The following CEP83 variants were observed in gnomAD, a reference collection of about 807,000 sequenced individuals.
CEP83 encodes the protein centrosomal protein of 83 kDa.
A neutral mutation model predicts 101.9 loss-of-function variants in CEP83; 70 were observed. That is an observed-to-expected ratio of 0.69 (90% CI 0.57 to 0.84). The LOEUF is 0.84. Among genes scored for constraint, CEP83 ranks in the 40% least tolerant of loss-of-function variants. The pLI, the probability that CEP83 is intolerant of heterozygous loss-of-function variation, is 0.00. For synonymous variants in CEP83, 264 were observed against 267.9 expected, an observed-to-expected ratio of 0.99 and a Z score of 0.14; for missense variants, 715 against 787.2, an observed-to-expected ratio of 0.91 and a Z score of 1.10.
At chr12:94,423,962 A>G in intron 2 of CEP83, 1 of 1,613,018 alleles carries the variant, frequency 6.2e-7, no homozygotes, top group African/African-American at 1.3e-5. Flanking sequence ...GGGTCCCATC[A>G]TGGAGGCAGG....
chr12:94,402,348 A>G (rs976172442), intron 5 of CEP83: 2 of 152,224 alleles, frequency 1.3e-5, no homozygotes, highest in Non-Finnish European at 2.9e-5. Flanking sequence ...GAGGTGGTAA[A>G]ACAGAAAATA....
At chr12:94,414,850 ATGT>A (rs2064149849) in intron 2 of CEP83, among the ~76,000 whole-genome samples, 1 of 152,200 alleles carries the variant, frequency 6.6e-6, no homozygotes, top group Non-Finnish European at 1.5e-5. Flanking sequence ...TCTTTATAAA[ATGT>A]TGATATGTGA....
At chr12:94,439,870 TGCAG>T (rs1233544221) in intron 1 of CEP83, among the ~76,000 whole-genome samples, 1 of 152,190 alleles carries the variant, frequency 6.6e-6, no homozygotes, top group Non-Finnish European at 1.5e-5. Flanking sequence ...ATACCAGGGA[TGCAG>T]GGTTGGCTTA....
intron 2 of CEP83, among the ~76,000 whole-genome samples, chr12:94,433,611 G>A (rs1361852930): frequency 6.6e-6 from 1 of 151,772 alleles, no homozygotes; most frequent in African/African-American, 2.4e-5. Context: ...AGCCCAGGAG[G>A]GTCGAGGCTG....
chr12:94,341,179 T>C (rs2136621374), intron 11 of CEP83, among the ~76,000 whole-genome samples: 1 of 152,284 alleles, frequency 6.6e-6, no homozygotes, highest in East Asian at 1.9e-4. Flanking sequence ...TTTTTATTAC[T>C]CTTGGCACTA....
the CEP83 span, among the ~76,000 whole-genome samples, chr12:94,300,143 G>GAA: frequency 6.6e-6 from 1 of 152,206 alleles, no homozygotes; most frequent in Non-Finnish European, 1.5e-5. Flanking sequence ...CAAAACAGAT[G>GAA]AAAGTCCAGG....
At chr12:94,357,665 C>A (rs1312295251) in intron 11 of CEP83, among the ~76,000 whole-genome samples, 1 of 152,166 alleles carries the variant, frequency 6.6e-6, no homozygotes, top group Non-Finnish European at 1.5e-5. Context: ...CCTGGGGAAC[C>A]CCTGCAAAAG....
At chr12:94,303,738 T>G, downstream of CEP83, 1 of 1,380,696 alleles carries the variant, frequency 7.2e-7, no homozygotes, top group Non-Finnish European at 9.5e-7. Context: ...GTTGCTTTTT[T>G]TTTTTTTTTT....
chr12:94,407,084 GCA>G (rs2063588473), intron 4 of CEP83, among the ~76,000 whole-genome samples: 1 of 152,110 alleles, frequency 6.6e-6, no homozygotes, highest in African/African-American at 2.4e-5. Context: ...CCAAAATGAA[GCA>G]CAGAGACAAA....
intron 2 of CEP83, among the ~76,000 whole-genome samples, chr12:94,432,847 C>A (rs953213056): frequency 6.6e-6 from 1 of 152,012 alleles, no homozygotes; most frequent in Non-Finnish European, 1.5e-5. Flanking sequence ...ACACATGTAC[C>A]TCATAAATAT....
chr12:94,291,451 G>C, the CEP83 span, among the ~76,000 whole-genome samples: 1 of 152,136 alleles, frequency 6.6e-6, no homozygotes, highest in Non-Finnish European at 1.5e-5. Context: ...GGCTGGTCTT[G>C]AACTCCTAGG....
At chr12:94,374,476 C>T (rs191196106) in intron 8 of CEP83, among the ~76,000 whole-genome samples, 3 of 152,258 alleles carry the variant, frequency 2.0e-5, no homozygotes, top group Non-Finnish European at 4.4e-5. Context: ...CTCCCCATAT[C>T]CTGAATTTAC....
chr12:94,334,156 A>C (rs1040718682), intron 12 of CEP83, among the ~76,000 whole-genome samples: 10 of 152,310 alleles, frequency 6.6e-5, no homozygotes, highest in African/African-American at 2.4e-4. Context: ...AAATGTGGGA[A>C]GGATCACTCC....
intron 11 of CEP83, among the ~76,000 whole-genome samples, chr12:94,343,575 C>T (rs1593278563): frequency 6.9e-6 from 1 of 144,000 alleles, no homozygotes; most frequent in Non-Finnish European, 1.5e-5. Flanking sequence ...CTGCAAGCTC[C>T]GCTTCCCGGG....
At chr12:94,427,563 G>GAGTA (rs1306065633) in intron 2 of CEP83, among the ~76,000 whole-genome samples, 1 of 152,116 alleles carries the variant, frequency 6.6e-6, no homozygotes, top group Admixed American at 6.6e-5. Flanking sequence ...TTTAAGCAGT[G>GAGTA]AGTAGTACAA....
At chr12:94,440,373 G>A (rs976857655) in intron 1 of CEP83, among the ~76,000 whole-genome samples, 7 of 152,120 alleles carry the variant, frequency 4.6e-5, no homozygotes, top group Admixed American at 4.6e-4. Flanking sequence ...CAGATGAGTA[G>A]CTCTGCTGTA....
At chr12:94,266,674 G>A in the CEP83 span, among the ~76,000 whole-genome samples, 1 of 152,186 alleles carries the variant, frequency 6.6e-6, no homozygotes, top group Non-Finnish European at 1.5e-5. Context: ...GTAATGTTGG[G>A]CAAGTTTCTA....
intron 2 of CEP83, among the ~76,000 whole-genome samples, chr12:94,431,473 C>T (rs2065620727): frequency 6.6e-6 from 1 of 151,820 alleles, no homozygotes; most frequent in African/African-American, 2.4e-5. Flanking sequence ...AGCTTCAACA[C>T]AGCAAAGGAA....
At chr12:94,341,980 T>C (rs981556987) in intron 11 of CEP83, among the ~76,000 whole-genome samples, 1 of 152,190 alleles carries the variant, frequency 6.6e-6, no homozygotes, top group African/African-American at 2.4e-5. Flanking sequence ...CTACCCCTAC[T>C]TTCTGGAGAC....
Sources: gnomAD v4.1 joint callset for allele counts (sites outside exome capture counted in the v4.1 genomes callset) on GRCh38, gnomAD v4.1.1 for gene constraint, MANE v1.5 for transcripts, NCBI Gene and HGNC (gene_info 2026-07-23, HGNC 2026-07-21) for gene names.